Variants in NTM observed in about 807,000 individuals in gnomAD.
NTM encodes the protein IgLON family member 2.
In NTM, 13 loss-of-function variants were observed where a neutral mutation model predicts 42.1. That is an observed-to-expected ratio of 0.31 (90% confidence interval 0.20 to 0.49). The LOEUF (loss-of-function observed/expected upper bound fraction) is 0.49. NTM is among the 20% of genes least tolerant of loss of function. NTM has a pLI of 0.99. For synonymous variants in NTM, 187 were observed against 179.2 expected, an observed-to-expected ratio of 1.04 and a Z score of -0.35; for missense variants, 373 against 452.8, an observed-to-expected ratio of 0.82 and a Z score of 1.60.
Position 131,432,839 on chromosome 11 carries a change from C to CTTTTTTTTTTTTTTTTTTTTT in NTM, c.82+61963_82+61983dup, listed in dbSNP as rs377739708. Among the ~76,000 whole-genome samples, 26 of 68,700 alleles carry CTTTTTTTTTTTTTTTTTTTTT rather than the reference C, an allele frequency of 3.8e-4. 4 individuals carry two copies. The highest frequency in any genetic ancestry group is 5.9e-4 in the Non-Finnish European group (23 of 38,810). 45.1% of individuals were successfully genotyped at this position (68,700 alleles called of 152,430 possible). A position where few individuals can be genotyped will look rare whatever the true frequency, so the allele number is the denominator to read the frequency against. On this transcript the variant is annotated intron_variant, in intron 1 of 8. Coordinates refer to ENST00000683400, the MANE Select transcript of NTM (RefSeq NM_001352005.2). ...CTACAAAAGATGAAGATTTAGCATT[C>CTTTTTTTTTTTTTTTTTTTTT]TTTTTTTTTTTTTTTTTTTTTTTTT...
At chr11:132,319,725 C>T (rs2095516954) in intron 7 of NTM, among the ~76,000 whole-genome samples, 2 of 152,266 alleles carry the variant, frequency 1.3e-5, no homozygotes, top group Non-Finnish European at 2.9e-5. Flanking sequence ...CAGCAGTAAC[C>T]TCTGCAGACT....
chr11:132,330,517 C>T (rs563215086), intron 8 of NTM, among the ~76,000 whole-genome samples: 6 of 152,284 alleles, frequency 3.9e-5, no homozygotes, highest in South Asian at 2.1e-4. Flanking sequence ...TCTAATGCAG[C>T]GATCTTCTCA....
At position 131,677,743 on chromosome 11, in the gene NTM, C is replaced by T. The variant is rs117228005; in HGVS notation, c.83-233821C>T. Among the ~76,000 whole-genome samples, 653 of 152,340 alleles carry T rather than the reference C, an allele frequency of 4.3e-3. 1 individual carries two copies. Among genetic ancestry groups the T allele is most frequent in the South Asian group, 9.7e-3 (47 of 4,826 alleles). ...CAGAGATAGAGTTTCAGAGAGGTTA[C>T]GCCATTTGCTCAACCTCATGCAGTC... On this transcript the variant is annotated intron_variant, in intron 1 of 8. Transcript: ENST00000683400.
At chr11:131,934,774 G>A (rs889720505) in intron 2 of NTM, among the ~76,000 whole-genome samples, 3 of 152,302 alleles carry the variant, frequency 2.0e-5, no homozygotes, top group Admixed American at 2.0e-4. Flanking sequence ...CAAGTGTCCG[G>A]TGCTGGAGGG....
At chr11:131,584,543 G>C (rs2137217260) in intron 1 of NTM, among the ~76,000 whole-genome samples, 1 of 152,306 alleles carries the variant, frequency 6.6e-6, no homozygotes, top group African/African-American at 2.4e-5. Flanking sequence ...CCCATTAGTA[G>C]TCAACAGAGA....
At chr11:131,823,822 C>T (rs1297081435) in intron 1 of NTM, among the ~76,000 whole-genome samples, 1 of 152,182 alleles carries the variant, frequency 6.6e-6, no homozygotes, top group Non-Finnish European at 1.5e-5. Context: ...CAATGGCTAA[C>T]CTCAAATGTA....
intron 1 of NTM, among the ~76,000 whole-genome samples, chr11:131,706,872 T>A (rs2076643408): frequency 6.6e-6 from 1 of 152,046 alleles, no homozygotes; most frequent in Non-Finnish European, 1.5e-5. Flanking sequence ...ACTGACATAA[T>A]AATTATATAC....
intron 3 of NTM, among the ~76,000 whole-genome samples, chr11:132,195,032 A>G: frequency 6.6e-6 from 1 of 152,052 alleles, no homozygotes; most frequent in Middle Eastern, 3.4e-3. Context: ...CATGTTGGCC[A>G]GGTTGGTCTC....
intron 1 of NTM, among the ~76,000 whole-genome samples, chr11:131,436,558 A>C (rs11606385): frequency 0.024 from 3,715 of 152,180 alleles, 56 homozygotes; most frequent in Non-Finnish European, 0.038. Context: ...TAGATTTTCT[A>C]GTTTATTTGC....
intron 1 of NTM, among the ~76,000 whole-genome samples, chr11:131,451,549 C>A (rs1950492475): frequency 6.6e-6 from 1 of 152,150 alleles, no homozygotes; most frequent in Non-Finnish European, 1.5e-5. Flanking sequence ...GAAGCCTTCC[C>A]AGGCCAGAGG....
intron 2 of NTM, among the ~76,000 whole-genome samples, chr11:132,068,019 C>T (rs2056783216): frequency 6.6e-6 from 1 of 152,144 alleles, no homozygotes; most frequent in South Asian, 2.1e-4. Flanking sequence ...AAGGGTCCTC[C>T]ACAGAATTTC....
chr11:131,890,806 G>A (rs1236601245), intron 1 of NTM, among the ~76,000 whole-genome samples: 2 of 152,200 alleles, frequency 1.3e-5, no homozygotes, highest in Non-Finnish European at 2.9e-5. Flanking sequence ...CTGGGATGAG[G>A]TTGACTTGAG....
At chr11:131,700,937 C>T (rs1229733587) in intron 1 of NTM, among the ~76,000 whole-genome samples, 2 of 152,212 alleles carry the variant, frequency 1.3e-5, no homozygotes, top group African/African-American at 4.8e-5. Context: ...GATGTGAATC[C>T]TGGTTCTGCC....
chr11:131,949,700 T>C (rs2060767315), intron 2 of NTM, among the ~76,000 whole-genome samples: 1 of 152,168 alleles, frequency 6.6e-6, no homozygotes. Flanking sequence ...AAATGTCCTG[T>C]ATGGCCAAAG....
intron 6 of NTM, among the ~76,000 whole-genome samples, chr11:132,313,645 A>G (rs1330399540): frequency 6.6e-6 from 1 of 152,166 alleles, no homozygotes; most frequent in Non-Finnish European, 1.5e-5. Flanking sequence ...CGCCATAGGA[A>G]TTGCTGTTAA....
chr11:132,046,529 G>A (rs1000359771), intron 2 of NTM, among the ~76,000 whole-genome samples: 5 of 152,064 alleles, frequency 3.3e-5, no homozygotes, highest in African/African-American at 7.2e-5. Flanking sequence ...AATGGCTTAT[G>A]CAAAGAAATT....
intron 1 of NTM, among the ~76,000 whole-genome samples, chr11:131,423,048 T>C (rs1053877194): frequency 6.6e-6 from 1 of 152,222 alleles, no homozygotes; most frequent in Admixed American, 6.5e-5. Context: ...GTGCCAGGAC[T>C]ATCAGCATTT....
At position 131,719,200 on chromosome 11, in the gene NTM, G is replaced by C. The variant is rs750583953; in HGVS notation, c.83-192364G>C. 3.3e-5 allele frequency among the ~76,000 whole-genome samples: 5 copies of C among 152,104 alleles called. No individual in the cohort carries two copies. The South Asian group carries it at 1.0e-3, about 32-fold the overall frequency. ...GCTGGGATTACAGACGTAAGCCCGC[G>C]CCCAGTGCTTCCAGTGTTTTGTCTC... On this transcript the variant is annotated intron_variant, in intron 1 of 8. Transcript: ENST00000683400.
intron 2 of NTM, among the ~76,000 whole-genome samples, chr11:132,065,929 A>T (rs2056412529): frequency 6.6e-6 from 1 of 152,228 alleles, no homozygotes; most frequent in South Asian, 2.1e-4. Context: ...CATGCTATAC[A>T]GCCTTTCTTT....
Sources: gnomAD v4.1 joint callset for allele counts (sites outside exome capture counted in the v4.1 genomes callset) on GRCh38, gnomAD v4.1.1 for gene constraint, MANE v1.5 for transcripts, NCBI Gene and HGNC (gene_info 2026-07-23, HGNC 2026-07-21) for gene names.